Variants in SYN3 observed in about 807,000 individuals in gnomAD.
SYN3 encodes the protein synapsin III, also known as synapsin-3.
In SYN3, 35 loss-of-function variants were observed where a neutral mutation model predicts 65.8. The ratio of observed to expected loss-of-function variants is 0.53; its 90% CI spans 0.41 to 0.70. The LOEUF (loss-of-function observed/expected upper bound fraction) is 0.70. SYN3 is among the 30% of genes least tolerant of loss of function. SYN3 has a pLI of 0.00. For synonymous variants in SYN3, 270 were observed against 292.9 expected (o/e 0.92, Z 0.80); for missense variants, 680 against 749.0 (o/e 0.91, Z 1.08).
At chr22:32,861,535 A>T (rs1314181870) in intron 6 of SYN3, 1 of 152,364 alleles carries the variant, frequency 6.6e-6, no homozygotes, top group Non-Finnish European at 1.5e-5. Flanking sequence ...AGTGGACATC[A>T]GTGTCTTCTC....
intron 3 of SYN3, among the ~76,000 whole-genome samples, chr22:32,944,986 G>T (rs1227608877): frequency 1.3e-5 from 2 of 152,302 alleles, no homozygotes; most frequent in South Asian, 2.1e-4. Context: ...ACTTACAAGG[G>T]ATGTGAAGGA....
intron 3 of SYN3, among the ~76,000 whole-genome samples, chr22:32,957,676 A>C (rs2051508525): frequency 6.6e-6 from 1 of 152,174 alleles, no homozygotes; most frequent in African/African-American, 2.4e-5. Context: ...CCAAGCATTT[A>C]AGGCAGCTTG....
Position 32,677,780 on chromosome 22 carries a change from G to A in SYN3, c.712-81044C>T, listed in dbSNP as rs371028157. Among the ~76,000 whole-genome samples, 52 of 151,710 alleles carry A rather than the reference G, an allele frequency of 3.4e-4. 2 individuals carry two copies. In the South Asian group the frequency reaches 0.01, roughly 30 times the overall value. Reference sequence around the variant, plus strand: ...CGCACCACTGCACTCCAGCCTGGGCGACAGAGCAAGACTCCTTCTCGGAAA... The same window carrying A: ...CGCACCACTGCACTCCAGCCTGGGCAACAGAGCAAGACTCCTTCTCGGAAA... On this transcript the variant is annotated intron_variant, in intron 6 of 13. Transcript: ENST00000358763.
At chr22:32,916,778 T>C (rs2050197671) in intron 4 of SYN3, among the ~76,000 whole-genome samples, 1 of 152,196 alleles carries the variant, frequency 6.6e-6, no homozygotes, top group Admixed American at 6.5e-5. Context: ...TCCTAAATTA[T>C]TCACATCACG....
intron 1 of SYN3, among the ~76,000 whole-genome samples, chr22:33,020,875 G>A (rs1305260459): frequency 2.0e-5 from 3 of 152,110 alleles, no homozygotes; most frequent in Non-Finnish European, 4.4e-5. Context: ...ACAAAGCCTC[G>A]AGAAAATTAC....
At chr22:32,576,437 G>A (rs929398197) in intron 7 of SYN3, among the ~76,000 whole-genome samples, 4 of 152,164 alleles carry the variant, frequency 2.6e-5, no homozygotes, top group African/African-American at 9.7e-5. Flanking sequence ...GTAGGAAAAC[G>A]CACATGAACT....
chr22:32,600,660 G>C (rs1042105245), intron 6 of SYN3, among the ~76,000 whole-genome samples: 1 of 151,394 alleles, frequency 6.6e-6, no homozygotes, highest in Non-Finnish European at 1.5e-5. Flanking sequence ...AGACCCATAG[G>C]AAGGAAGGAT....
chr22:33,006,284 A>T (rs1233751058), intron 2 of SYN3, 68 bp downstream of exon 2: 1 of 1,487,414 alleles, frequency 6.7e-7, no homozygotes, highest in Non-Finnish European at 9.0e-7. Context: ...CTATTTCCCC[A>T]GGAGATGAGA....
intron 7 of SYN3, among the ~76,000 whole-genome samples, chr22:32,568,056 C>T (rs761608194): frequency 6.6e-5 from 10 of 152,174 alleles, no homozygotes; most frequent in Non-Finnish European, 1.0e-4. Flanking sequence ...AAGCTCCTCA[C>T]GGGACAGGCA....
At chr22:32,891,132 C>T (rs1208111355) in intron 4 of SYN3, among the ~76,000 whole-genome samples, 3 of 152,128 alleles carry the variant, frequency 2.0e-5, no homozygotes, top group East Asian at 1.9e-4. Flanking sequence ...TAGGTACCAA[C>T]GAGGAGCTGA....
At chr22:32,575,537 C>T (rs1040629390) in intron 7 of SYN3, among the ~76,000 whole-genome samples, 1 of 152,306 alleles carries the variant, frequency 6.6e-6, no homozygotes, top group South Asian at 2.1e-4. Flanking sequence ...CTGGCTGATG[C>T]TTTTAGCTGA....
intron 6 of SYN3, among the ~76,000 whole-genome samples, chr22:32,741,774 T>C (rs887998260): frequency 6.6e-6 from 1 of 152,182 alleles, no homozygotes; most frequent in African/African-American, 2.4e-5. Flanking sequence ...CAGTGTTCAC[T>C]TTATAGATCA....
intron 6 of SYN3, among the ~76,000 whole-genome samples, chr22:32,599,176 T>C (rs189840665): frequency 2.0e-4 from 30 of 152,336 alleles, no homozygotes; most frequent in Admixed American, 1.9e-3. Context: ...TATTATGTAA[T>C]GAGAATACTC....
intron 7 of SYN3, among the ~76,000 whole-genome samples, chr22:32,549,499 G>A (rs1006505720): frequency 1.9e-4 from 29 of 152,056 alleles, no homozygotes; most frequent in African/African-American, 5.8e-4. Context: ...GCAATTCTCC[G>A]GCCTTGGCTT....
At chr22:33,057,594 C>T (rs1275227801) in intron 1 of SYN3, 1 of 152,386 alleles carries the variant, frequency 6.6e-6, no homozygotes. Context: ...GAGTCTTCCG[C>T]ACTACCCTGC....
chr22:32,823,782 T>C (rs2047322784), intron 6 of SYN3, among the ~76,000 whole-genome samples: 1 of 151,870 alleles, frequency 6.6e-6, no homozygotes, highest in South Asian at 2.1e-4. Context: ...CAGAATGAAC[T>C]CCCCAGCCAT....
intron 1 of SYN3, among the ~76,000 whole-genome samples, chr22:33,047,575 A>C (rs908229744): frequency 6.6e-6 from 1 of 152,140 alleles, no homozygotes; most frequent in Non-Finnish European, 1.5e-5. Flanking sequence ...AACTGGCAGG[A>C]GGTGCCAGGC....
rs368755682 is a variant in SYN3, at chr22:32,978,535, C to T, written c.369+2110G>A. On this transcript the variant is annotated intron_variant, in intron 3 of 13. Coordinates refer to ENST00000358763, the MANE Select transcript of SYN3 (RefSeq NM_003490.4). ...GCCTCCTCCATTCACACGCTCTTCA[C>T]GCCACCATCTCCACTTGTTGACATC... is the stretch of plus-strand genomic sequence containing the variant. Among the ~76,000 whole-genome samples, 73 of 152,300 alleles carry T rather than the reference C, an allele frequency of 4.8e-4. No homozygotes were observed. The East Asian group carries it at 0.012, about 25-fold the overall frequency.
chr22:32,991,882 T>C (rs1376575924), intron 2 of SYN3, among the ~76,000 whole-genome samples: 2 of 152,202 alleles, frequency 1.3e-5, no homozygotes, highest in Non-Finnish European at 2.9e-5. Flanking sequence ...CTGTCGAAGA[T>C]GCACGTCCCA....
Sources: allele counts gnomAD v4.1 joint callset (sites outside exome capture counted in the v4.1 genomes callset), GRCh38; gene constraint gnomAD v4.1.1; transcripts MANE v1.5; gene names NCBI Gene and HGNC (gene_info 2026-07-23, HGNC 2026-07-21).